Variants in LINC00632 observed in about 807,000 individuals in gnomAD.
LINC00632 encodes long independently transcribed non-coding RNA 632, also known as ALDOA related specific transcript.
chrX:140,726,328 C>T (rs187875867), intron 2 of LINC00632, among the ~76,000 whole-genome samples: 25 of 111,214 alleles, frequency 2.2e-4, no homozygotes, highest in African/African-American at 7.5e-4. Context: ...ACGTTTTACA[C>T]GACATACACT....
chrX:140,773,103 T>C (rs1931827208), exon 4 of LINC00632, among the ~76,000 whole-genome samples: 1 of 110,730 alleles, frequency 9.0e-6, no homozygotes, highest in Non-Finnish European at 1.9e-5. Context: ...GAGGCAGAGG[T>C]TGCAGTGAGC....
intron 3 of LINC00632, among the ~76,000 whole-genome samples, chrX:140,737,120 G>A (rs1020821873): frequency 1.8e-5 from 2 of 108,219 alleles, no homozygotes; most frequent in Admixed American, 1.0e-4. Context: ...GGCTGGTCTC[G>A]AGCTCCTAGA....
intron 3 of LINC00632, among the ~76,000 whole-genome samples, chrX:140,738,261 C>T (rs1331174440): frequency 8.9e-6 from 1 of 111,805 alleles, no homozygotes; most frequent in Non-Finnish European, 1.9e-5. Context: ...GAGTTGAGCA[C>T]CTGAAAGTGG....
exon 5 of LINC00632, among the ~76,000 whole-genome samples, chrX:140,777,006 T>G (rs1931880166): frequency 9.1e-6 from 1 of 109,945 alleles, no homozygotes; most frequent in East Asian, 2.9e-4. Context: ...TGGATGAAGC[T>G]GGAAGCCATC....
intron 3 of LINC00632, among the ~76,000 whole-genome samples, chrX:140,761,010 A>G (rs1323253885): frequency 3.6e-5 from 4 of 112,592 alleles, no homozygotes; most frequent in African/African-American, 9.7e-5. Flanking sequence ...AATGTTTAAT[A>G]TGAAAGTGTG....
chrX:140,764,420 T>A (rs1312255553), intron 3 of LINC00632, among the ~76,000 whole-genome samples: 4 of 110,416 alleles, frequency 3.6e-5, no homozygotes, highest in Non-Finnish European at 7.6e-5. Context: ...CCTGGCATAC[T>A]GCAACTAGGT....
intron 2 of LINC00632, chrX:140,713,902 C>A: frequency 7.2e-6 from 2 of 276,071 alleles, no homozygotes; most frequent in Non-Finnish European, 1.4e-5. Flanking sequence ...CCACATCACA[C>A]GAACCCATTT....
chrX:140,758,653 C>T (rs1403231167), intron 3 of LINC00632, among the ~76,000 whole-genome samples: 1 of 112,256 alleles, frequency 8.9e-6, no homozygotes, highest in Non-Finnish European at 1.9e-5. Context: ...GCTGGGATTA[C>T]AGGCGTGAGC....
intron 3 of LINC00632, among the ~76,000 whole-genome samples, chrX:140,747,158 A>T (rs1386175263): frequency 8.9e-6 from 1 of 112,177 alleles, no homozygotes; most frequent in Non-Finnish European, 1.9e-5. Context: ...TTCTGAAAAA[A>T]CATTTAGGTA....
intron 3 of LINC00632, among the ~76,000 whole-genome samples, chrX:140,736,242 A>T (rs1931141113): frequency 9.0e-6 from 1 of 110,961 alleles, no homozygotes; most frequent in East Asian, 2.8e-4. Context: ...GGTTACCATT[A>T]TAAGTCATAC....
chrX:140,771,952 T>A (rs1325261399), intron 3 of LINC00632: 1 of 180,418 alleles, frequency 5.5e-6, no homozygotes, highest in Non-Finnish European at 1.0e-5. Flanking sequence ...AGTGCCGGGA[T>A]TACAGGCGTG....
intron 3 of LINC00632, among the ~76,000 whole-genome samples, chrX:140,741,987 T>C (rs899749867): frequency 2.7e-5 from 3 of 112,209 alleles, no homozygotes; most frequent in Non-Finnish European, 5.6e-5. Context: ...TATTTCACAC[T>C]GTCCCTTCGG....
intron 3 of LINC00632, among the ~76,000 whole-genome samples, chrX:140,754,841 G>GT (rs11401571): frequency 0.37 from 38,770 of 104,737 alleles, 6,213 homozygotes; most frequent in East Asian, 0.71. Context: ...AGCATAGGCT[G>GT]TTTTTTTTTT....
exon 4 of LINC00632, among the ~76,000 whole-genome samples, chrX:140,774,139 T>C (rs761710985): frequency 9.6e-4 from 107 of 111,976 alleles, no homozygotes; most frequent in Non-Finnish European, 7.9e-4. Context: ...CTTCAAAAGA[T>C]AGTTGAGAAA....
intron 3 of LINC00632, among the ~76,000 whole-genome samples, chrX:140,743,093 C>T (rs1332615001): frequency 1.9e-5 from 2 of 106,871 alleles, no homozygotes; most frequent in African/African-American, 6.9e-5. Flanking sequence ...GGCATAGTGG[C>T]GGGCACCTGT....
exon 5 of LINC00632, chrX:140,784,135 C>G: frequency 8.3e-7 from 1 of 1,211,526 alleles, no homozygotes; most frequent in Non-Finnish European, 1.1e-6. Flanking sequence ...AAATCCTTGT[C>G]TTCCCTCAAA....
At chrX:140,749,827 C>A (rs1320631429) in intron 3 of LINC00632, among the ~76,000 whole-genome samples, 2 of 109,930 alleles carry the variant, frequency 1.8e-5, no homozygotes, top group Non-Finnish European at 3.8e-5. Flanking sequence ...CCACAGGCTC[C>A]CATCACCTTG....
At chrX:140,711,312 CTCT>C (rs1337645612) in intron 1 of LINC00632, among the ~76,000 whole-genome samples, 61 of 111,382 alleles carry the variant, frequency 5.5e-4, no homozygotes, top group South Asian at 1.5e-3. Context: ...TACTGTCAGT[CTCT>C]TTTCTCTGAA....
intron 3 of LINC00632, among the ~76,000 whole-genome samples, chrX:140,761,450 C>T (rs1931592977): frequency 8.9e-6 from 1 of 112,507 alleles, no homozygotes; most frequent in Non-Finnish European, 1.9e-5. Context: ...CTGGAAGTTT[C>T]TGAGACACTG....
Sources: allele counts gnomAD v4.1 joint callset (sites outside exome capture counted in the v4.1 genomes callset), GRCh38; gene constraint gnomAD v4.1.1; transcripts MANE v1.5; gene names NCBI Gene and HGNC (gene_info 2026-07-23, HGNC 2026-07-21).